EPHA6: variants seen among roughly 807,000 people sequenced by gnomAD.
The protein encoded by EPHA6 is EPH receptor A6.
EPHA6 carries 50 observed loss-of-function variants against 112.0 expected under a neutral mutation model. That is an observed-to-expected ratio of 0.45 (90% CI 0.36 to 0.56). The LOEUF is 0.56. EPHA6 is among the 20% of genes least tolerant of loss of function. The pLI is 0.00. For missense variants in EPHA6, 1,280 were observed against 1,417.4 expected, an observed-to-expected ratio of 0.90 and a Z score of 1.56; for synonymous variants, 529 against 490.7, an observed-to-expected ratio of 1.08 and a Z score of -1.03.
rs541904359 is a variant in EPHA6, at chr3:97,675,121, C to T, written c.2784+37039C>T. On this transcript the variant is annotated intron_variant, in intron 14 of 17. Coordinates refer to ENST00000389672, the MANE Select transcript of EPHA6 (RefSeq NM_001080448.3). ...CGTGTAGAAAGCAATTAGAGACCTG[C>T]ATCAATTCTGGTTTCATCGTTAAAC... Among the ~76,000 whole-genome samples the T allele has an allele frequency of 3.9e-5, 6 of 152,262 alleles. No homozygotes were observed. The South Asian group carries it at 1.0e-3, about 26-fold the overall frequency.
intron 5 of EPHA6, among the ~76,000 whole-genome samples, chr3:97,282,278 A>T (rs2080312057): frequency 6.6e-6 from 1 of 152,198 alleles, no homozygotes; most frequent in East Asian, 1.9e-4. Flanking sequence ...GTAAATCAAA[A>T]CCACAATGAG....
intron 2 of EPHA6, among the ~76,000 whole-genome samples, chr3:96,904,205 C>G (rs937383787): frequency 1.1e-3 from 160 of 151,996 alleles, no homozygotes; most frequent in Non-Finnish European, 1.7e-3. Context: ...TTGGAACCAA[C>G]CCAAATGTCC....
Position 97,502,055 on chromosome 3 carries a change from A to C in EPHA6, c.2200+17996A>C, listed in dbSNP as rs1167524015. Among the ~76,000 whole-genome samples the C allele has an allele frequency of 5.9e-5, 9 of 151,908 alleles. No homozygotes were observed. In the South Asian group the frequency reaches 1.5e-3, roughly 25 times the overall value. ...ACATTACCCCCTATACCCAGGGCTTACGTACCACAGAGAAAGAGTATTTGC... is the reference window on the plus strand; with the variant it reads ...ACATTACCCCCTATACCCAGGGCTTCCGTACCACAGAGAAAGAGTATTTGC... On this transcript the variant is annotated intron_variant, in intron 10 of 17. Transcript: ENST00000389672.
chr3:97,680,367 G>A (rs2031763144), intron 14 of EPHA6, among the ~76,000 whole-genome samples: 1 of 152,182 alleles, frequency 6.6e-6, no homozygotes, highest in Admixed American at 6.5e-5. Flanking sequence ...CATGCCACCA[G>A]CCATTGCTGA....
intron 11 of EPHA6, among the ~76,000 whole-genome samples, chr3:97,554,217 A>C (rs1270906014): frequency 6.6e-6 from 1 of 152,144 alleles, no homozygotes; most frequent in Non-Finnish European, 1.5e-5. Flanking sequence ...AATACATCAT[A>C]AACCTGCTGT....
chr3:96,916,507 G>T lies in EPHA6; in HGVS notation c.450+49618G>T, dbSNP rs533336166. Among the ~76,000 whole-genome samples, 62 of 151,992 alleles carry T rather than the reference G, an allele frequency of 4.1e-4. 2 individuals carry two copies. Among genetic ancestry groups the T allele is most frequent in the Non-Finnish European group, 3.1e-4 (21 of 67,978 alleles). On this transcript the variant is annotated intron_variant, in intron 2 of 17. Coordinates refer to ENST00000389672, the MANE Select transcript of EPHA6 (RefSeq NM_001080448.3). ...ATAGGTTGGTGCAGAAATTATTTTGGTTTTTGCCATTGAAAGTAATGGCAA... is the reference window on the plus strand; with the variant it reads ...ATAGGTTGGTGCAGAAATTATTTTGTTTTTTGCCATTGAAAGTAATGGCAA...
At chr3:97,505,984 T>G (rs1339436011) in intron 10 of EPHA6, among the ~76,000 whole-genome samples, 1 of 152,146 alleles carries the variant, frequency 6.6e-6, no homozygotes, top group Non-Finnish European at 1.5e-5. Flanking sequence ...ATAAATGTCT[T>G]CTTTTGAGAA....
At chr3:97,395,824 GT>G (rs1393122841) in intron 5 of EPHA6, among the ~76,000 whole-genome samples, 10 of 151,470 alleles carry the variant, frequency 6.6e-5, no homozygotes, top group African/African-American at 2.2e-4. Context: ...AAAGAAAAGA[GT>G]AAAGAAGGAA....
chr3:97,414,357 C>T (rs1405367963), intron 6 of EPHA6, among the ~76,000 whole-genome samples: 1 of 152,014 alleles, frequency 6.6e-6, no homozygotes, highest in Non-Finnish European at 1.5e-5. Context: ...TTAATCAGTA[C>T]ACCTCTTTAG....
intron 1 of EPHA6, among the ~76,000 whole-genome samples, chr3:96,841,783 A>T (rs1403281399): frequency 6.6e-6 from 1 of 152,148 alleles, no homozygotes; most frequent in African/African-American, 2.4e-5. Context: ...TATACATAAA[A>T]ATTTTTATCT....
intron 5 of EPHA6, among the ~76,000 whole-genome samples, chr3:97,315,789 A>G (rs1471476243): frequency 1.3e-5 from 2 of 151,918 alleles, no homozygotes; most frequent in Non-Finnish European, 2.9e-5. Context: ...CATTTCACAG[A>G]TTTGGAAACT....
At chr3:97,272,253 T>A (rs541299889) in intron 5 of EPHA6, among the ~76,000 whole-genome samples, 2 of 152,328 alleles carry the variant, frequency 1.3e-5, no homozygotes, top group South Asian at 4.1e-4. Context: ...TTGTTACTAA[T>A]GGCAGCATCT....
At chr3:97,014,716 G>A (rs796279210) in intron 3 of EPHA6, among the ~76,000 whole-genome samples, 113 of 152,258 alleles carry the variant, frequency 7.4e-4, no homozygotes, top group African/African-American at 2.5e-3. Flanking sequence ...AGCATTGCAC[G>A]TGGAATGTTT....
chr3:97,388,032 G>C (rs1485410162), intron 5 of EPHA6, among the ~76,000 whole-genome samples: 1 of 152,138 alleles, frequency 6.6e-6, no homozygotes, highest in Non-Finnish European at 1.5e-5. Context: ...ACAATCACGA[G>C]AACAGCACAA....
At chr3:97,247,005 C>A (rs72924446) in intron 5 of EPHA6, among the ~76,000 whole-genome samples, 1 of 151,912 alleles carries the variant, frequency 6.6e-6, no homozygotes, top group Non-Finnish European at 1.5e-5. Context: ...TCAACTGATG[C>A]CATTTTGTTC....
chr3:97,106,366 C>A (rs967344498), intron 3 of EPHA6, among the ~76,000 whole-genome samples: 3 of 151,888 alleles, frequency 2.0e-5, no homozygotes, highest in Non-Finnish European at 4.4e-5. Context: ...AATCTCAATT[C>A]CAGGTTTACA....
At chr3:97,697,515 A>T (rs1033178734) in intron 14 of EPHA6, among the ~76,000 whole-genome samples, 6 of 152,164 alleles carry the variant, frequency 3.9e-5, no homozygotes, top group African/African-American at 1.4e-4. Context: ...ACCTTAAAAG[A>T]TGAATGTGTC....
At position 97,244,042 on chromosome 3, in the gene EPHA6, G is replaced by A; in HGVS notation, c.1361G>A (p.Arg454Lys). 6.2e-7 allele frequency: 1 copy of A among 1,612,764 alleles called. No homozygotes were observed. The highest frequency in any genetic ancestry group is 8.5e-7 in the Non-Finnish European group (1 of 1,179,238). The change falls in exon 5 of 18, where the codon AGA (arginine) becomes AAA (lysine). Residue 454 changes from arginine to lysine, a missense_variant. Physicochemically the swap from Arg to Lys is conservative, Grantham distance 26. Coordinates refer to ENST00000389672, the MANE Select transcript of EPHA6 (RefSeq NM_001080448.3). The stretch of plus-strand genomic sequence containing the variant: ...AGCCCACCAAGTGACACAGGAGGGA[G>A]AAAAGATCTCACATACAGTGTAATC... ...EWSPPSDTGG[R>K]KDLTYSVICK...
intron 10 of EPHA6, among the ~76,000 whole-genome samples, chr3:97,505,515 A>G (rs1401329954): frequency 1.3e-5 from 2 of 152,186 alleles, no homozygotes; most frequent in African/African-American, 4.8e-5. Flanking sequence ...AAAGGACATG[A>G]ACTCATCCTT....
Sources: allele counts gnomAD v4.1 joint callset (sites outside exome capture counted in the v4.1 genomes callset), GRCh38; gene constraint gnomAD v4.1.1; transcripts MANE v1.5; gene names NCBI Gene and HGNC (gene_info 2026-07-23, HGNC 2026-07-21).